Variants in HTR4 observed in about 807,000 individuals in gnomAD.
HTR4 encodes 5-hydroxytryptamine (serotonin) receptor 4, G protein-coupled.
HTR4 carries 16 observed loss-of-function variants against 36.8 expected under a neutral mutation model. The observed-to-expected ratio is 0.43, with a 90% CI of 0.29 to 0.66. The LOEUF (loss-of-function observed/expected upper bound fraction) is 0.66. Among genes scored for constraint, HTR4 ranks in the 30% least tolerant of loss-of-function variants. The pLI, the probability that HTR4 is intolerant of heterozygous loss-of-function variation, is 0.13. For missense variants in HTR4, 438 were observed against 490.9 expected, an observed-to-expected ratio of 0.89 and a Z score of 1.02; for synonymous variants, 189 against 185.1, an observed-to-expected ratio of 1.02 and a Z score of -0.17.
At chr5:148,483,333 A>G (rs757613271) in intron 6 of HTR4, 40 bp from the exon 7 acceptor site, 5 of 1,559,610 alleles carry the variant, frequency 3.2e-6, no homozygotes, top group African/African-American at 1.4e-5. Flanking sequence ...AGAATTGGAA[A>G]GGATGTTGCA....
intron 4 of HTR4, among the ~76,000 whole-genome samples, chr5:148,524,000 T>G (rs1004202485): frequency 6.6e-6 from 1 of 151,940 alleles, no homozygotes; most frequent in Non-Finnish European, 1.5e-5. Flanking sequence ...TCCGTGTTTT[T>G]TTTTTTGAAT....
chr5:148,462,027 A>G (rs569635114), intron 5 of HTR4: 1 of 152,208 alleles, frequency 6.6e-6, no homozygotes, highest in Non-Finnish European at 1.5e-5. Flanking sequence ...ATCAAAAAAG[A>G]AATCTCAAAA....
intron 6 of HTR4, among the ~76,000 whole-genome samples, chr5:148,493,530 T>C (rs1256639057): frequency 2.0e-5 from 3 of 152,212 alleles, no homozygotes; most frequent in Non-Finnish European, 4.4e-5. Flanking sequence ...GATAAATTGA[T>C]TCATGTATCA....
chr5:148,486,342 C>A (rs1279273904), intron 6 of HTR4, among the ~76,000 whole-genome samples: 1 of 152,150 alleles, frequency 6.6e-6, no homozygotes, highest in Non-Finnish European at 1.5e-5. Context: ...ATAAGATCAT[C>A]CTCAGTGCAC....
At chr5:148,487,505 C>T (rs759156888) in intron 6 of HTR4, among the ~76,000 whole-genome samples, 1 of 152,088 alleles carries the variant, frequency 6.6e-6, no homozygotes, top group Non-Finnish European at 1.5e-5. Flanking sequence ...ATATTGGGTA[C>T]TTTTATAAAA....
At chr5:148,632,586 C>A (rs1753362707) in intron 2 of HTR4, among the ~76,000 whole-genome samples, 1 of 152,144 alleles carries the variant, frequency 6.6e-6, no homozygotes, top group South Asian at 2.1e-4. Context: ...AGCCTGGAGG[C>A]ATTGTCTTGA....
intron 2 of HTR4, among the ~76,000 whole-genome samples, chr5:148,574,590 G>A (rs1760814078): frequency 6.6e-6 from 1 of 152,042 alleles, no homozygotes; most frequent in Non-Finnish European, 1.5e-5. Flanking sequence ...GATTCACTTT[G>A]TGTCCAAGTG....
chr5:148,524,034 TC>T (rs1039014320), intron 4 of HTR4, among the ~76,000 whole-genome samples: 9 of 151,358 alleles, frequency 5.9e-5, no homozygotes, highest in African/African-American at 2.2e-4. Context: ...TTCCCCTCCA[TC>T]CCCCCATCCC....
chr5:148,639,948 G>A (rs1177569426), intron 1 of HTR4, among the ~76,000 whole-genome samples: 2 of 151,996 alleles, frequency 1.3e-5, no homozygotes, highest in Non-Finnish European at 2.9e-5. Context: ...CCTTTACTAC[G>A]TGTTAATAAG....
chr5:148,597,243 C>T (rs188753817), intron 2 of HTR4, among the ~76,000 whole-genome samples: 1 of 152,270 alleles, frequency 6.6e-6, no homozygotes, highest in African/African-American at 2.4e-5. Flanking sequence ...CTACATGAAC[C>T]TCTTATGTAT....
At chr5:148,471,065 A>G (rs546569089) in intron 5 of HTR4, among the ~76,000 whole-genome samples, 2 of 152,336 alleles carry the variant, frequency 1.3e-5, no homozygotes, top group South Asian at 4.1e-4. Context: ...AAGGCCATTC[A>G]ATAAGTGCTG....
At chr5:148,490,160 AATATAC>A (rs1419515501) in intron 6 of HTR4, among the ~76,000 whole-genome samples, 2 of 148,216 alleles carry the variant, frequency 1.3e-5, no homozygotes, top group Admixed American at 6.8e-5. Flanking sequence ...TATAATATAT[AATATAC>A]ATATACATAT....
At chr5:148,458,052 T>A (rs188362477) in intron 5 of HTR4, among the ~76,000 whole-genome samples, 6,079 of 133,278 alleles carry the variant, frequency 0.046, 469 homozygotes, top group African/African-American at 0.15. Flanking sequence ...TTAAAATATA[T>A]TATATTTTAA....
chr5:148,506,447 C>T (rs1378317580), intron 6 of HTR4, among the ~76,000 whole-genome samples: 2 of 152,070 alleles, frequency 1.3e-5, no homozygotes, highest in Non-Finnish European at 2.9e-5. Flanking sequence ...CAATACCATT[C>T]GGGACATAGG....
chr5:148,485,871 G>A (rs1169938724), intron 6 of HTR4, among the ~76,000 whole-genome samples: 6 of 152,312 alleles, frequency 3.9e-5, no homozygotes, highest in South Asian at 2.1e-4. Context: ...GAGAGAGGAA[G>A]AGGTTCTTTG....
At chr5:148,490,945 T>C in intron 6 of HTR4, 1 of 413,144 alleles carries the variant, frequency 2.4e-6, no homozygotes, top group Non-Finnish European at 4.7e-6. Flanking sequence ...TCATAAATTC[T>C]GTAGAGAAAA....
At chr5:148,524,240 G>A (rs1758157393) in intron 4 of HTR4, among the ~76,000 whole-genome samples, 1 of 152,142 alleles carries the variant, frequency 6.6e-6, no homozygotes, top group African/African-American at 2.4e-5. Context: ...CATCCTTACG[G>A]CTGGATAGGA....
intron 4 of HTR4, among the ~76,000 whole-genome samples, chr5:148,532,631 A>G (rs1389246394): frequency 6.6e-6 from 1 of 152,228 alleles, no homozygotes; most frequent in Non-Finnish European, 1.5e-5. Flanking sequence ...CAGCATGGCC[A>G]AGGCCTGAAG....
intron 5 of HTR4, among the ~76,000 whole-genome samples, chr5:148,471,517 C>A (rs1404188190): frequency 6.6e-6 from 1 of 152,094 alleles, no homozygotes; most frequent in African/African-American, 2.4e-5. Context: ...TTCCATAGAA[C>A]TATGTGGAGG....
Sources: gnomAD v4.1 joint callset for allele counts (sites outside exome capture counted in the v4.1 genomes callset) on GRCh38, gnomAD v4.1.1 for gene constraint, MANE v1.5 for transcripts, NCBI Gene and HGNC (gene_info 2026-07-23, HGNC 2026-07-21) for gene names.